The following REPS1 variants were observed in gnomAD, a reference collection of about 807,000 sequenced individuals.
REPS1 encodes the protein ralBP1-associated Eps domain-containing protein 1.
A neutral mutation model predicts 100.9 loss-of-function variants in REPS1; 39 were observed. The ratio of observed to expected loss-of-function variants is 0.39; its 90% CI spans 0.30 to 0.50. The LOEUF (loss-of-function observed/expected upper bound fraction) is 0.50. REPS1 is among the 20% of genes least tolerant of loss of function. REPS1 has a pLI of 0.86. For synonymous variants in REPS1, 324 were observed against 340.3 expected, an observed-to-expected ratio of 0.95 and a Z score of 0.53; for missense variants, 821 against 968.5, an observed-to-expected ratio of 0.85 and a Z score of 2.02.
At position 138,920,303 on chromosome 6, in the gene REPS1, G is replaced by T; in HGVS notation, c.1440C>A (p.Pro480=). The T allele has an allele frequency of 6.4e-7, 1 of 1,571,292 alleles. No homozygotes were observed. The change falls in exon 12 of 20, where the codon CCC becomes CCA. Residue 480 remains proline (P), a synonymous_variant. Transcript: ENST00000450536. ...LKRTGSDHTN[P]TSPLLVKPSD... is the part of the protein sequence containing the mutation. ...ATGGTTTCACAAGTAATGGGCTAGT[G>T]GGATTTGTATGATCTAATAGAGAAT...
At chr6:138,984,430 G>A (rs545912794) in intron 1 of REPS1, among the ~76,000 whole-genome samples, 1 of 152,196 alleles carries the variant, frequency 6.6e-6, no homozygotes, top group East Asian at 1.9e-4. Flanking sequence ...CCAGGTTAGG[G>A]TTTCTCAGTC....
intron 18 of REPS1, among the ~76,000 whole-genome samples, chr6:138,908,389 G>A (rs1779796226): frequency 6.6e-6 from 1 of 152,128 alleles, no homozygotes; most frequent in Non-Finnish European, 1.5e-5. Context: ...CCGCCTCCTG[G>A]GTTCAAGCAA....
chr6:138,945,562 TG>T lies in REPS1; in HGVS notation c.412del (p.Gln138LysfsTer2). On this transcript the variant is annotated frameshift_variant, in exon 3 of 20. Transcript: ENST00000450536. LOFTEE classifies it high-confidence loss of function. ...ATGGCTTACGGATCCCTTTTTCACT[TG>T]CCCCCTGCCAGGTGGTGGGGGAATT... is the stretch of plus-strand genomic sequence containing the variant. ...GVIPPPPGRG[Q>X]VKKGSVSHDT... 6.2e-7 allele frequency: 1 copy of T among 1,613,140 alleles called. No homozygotes were observed.
At chr6:138,918,963 T>C (rs1780581127) in intron 12 of REPS1, among the ~76,000 whole-genome samples, 1 of 152,212 alleles carries the variant, frequency 6.6e-6, no homozygotes, top group African/African-American at 2.4e-5. Flanking sequence ...TTTCAAAATG[T>C]ATCTCTTTCC....
intron 10 of REPS1, among the ~76,000 whole-genome samples, chr6:138,925,207 A>ACG (rs1224755250): frequency 1.3e-5 from 2 of 151,604 alleles, no homozygotes; most frequent in African/African-American, 4.9e-5. Context: ...ACACACACAC[A>ACG]CACACACAAA....
chr6:138,963,990 C>T (rs752257598), intron 1 of REPS1, among the ~76,000 whole-genome samples: 2 of 152,152 alleles, frequency 1.3e-5, no homozygotes, highest in African/African-American at 2.4e-5. Flanking sequence ...AAGTGAAATG[C>T]AATCATTTCA....
At chr6:138,955,047 GT>G (rs1428595234) in intron 1 of REPS1, among the ~76,000 whole-genome samples, 1 of 152,094 alleles carries the variant, frequency 6.6e-6, no homozygotes, top group African/African-American at 2.4e-5. Context: ...GGATATTTAG[GT>G]TTTCCCAGTG....
chr6:138,948,409 T>A (rs1315087114), intron 1 of REPS1, among the ~76,000 whole-genome samples: 1 of 152,200 alleles, frequency 6.6e-6, no homozygotes, highest in Admixed American at 6.5e-5. Flanking sequence ...TCTATCACAA[T>A]TTTTTCAGAT....
rs768460472 is a variant in REPS1 at position 138,920,321 on chromosome 6, T to C, written c.1427-5A>G. On this transcript the variant is annotated splice_polypyrimidine_tract_variant and splice_region_variant and intron_variant, in intron 11 of 19. Coordinates refer to ENST00000450536, the MANE Select transcript of REPS1 (RefSeq NM_001286611.2). ...GGCTAGTGGGATTTGTATGATCTAA[T>C]AGAGAATTAATAGGTAAAAATACAA... The C allele has an allele frequency of 3.4e-6, 5 of 1,470,038 alleles. No individual in the cohort carries two copies. Among genetic ancestry groups the C allele is most frequent in the African/African-American group, 1.4e-5 (1 of 71,844 alleles). 91.1% of individuals were successfully genotyped at this position (1,470,038 alleles called of 1,614,324 possible). A position where few individuals can be genotyped will look rare whatever the true frequency, so the allele number is the denominator to read the frequency against.
chr6:138,952,927 TC>T (rs1783132536), intron 1 of REPS1, among the ~76,000 whole-genome samples: 1 of 151,074 alleles, frequency 6.6e-6, no homozygotes, highest in African/African-American at 2.4e-5. Context: ...AACCTCCACC[TC>T]CTGCGTTCAA....
Position 138,942,211 on chromosome 6 carries a change from C to CTGT in REPS1, c.981-723_981-722insACA, listed in dbSNP as rs771801928. Among the ~76,000 whole-genome samples, 9 of 152,264 alleles carry CTGT rather than the reference C, an allele frequency of 5.9e-5. No homozygotes were observed. The South Asian group carries it at 1.7e-3, about 28-fold the overall frequency. ...TTAAAACAGAAATACAGCCACTCCA[C>CTGT]CTTGCTGTCTATGCCCTTTCCTAGA... On this transcript the variant is annotated intron_variant, in intron 7 of 19. Coordinates refer to ENST00000450536, the MANE Select transcript of REPS1 (RefSeq NM_001286611.2).
At chr6:138,947,342 C>G (rs1782704346) in intron 2 of REPS1, among the ~76,000 whole-genome samples, 1 of 152,086 alleles carries the variant, frequency 6.6e-6, no homozygotes, top group Non-Finnish European at 1.5e-5. Flanking sequence ...ACTGTTACTT[C>G]TTAATTTCAA....
At chr6:138,953,323 A>G (rs536503124) in intron 1 of REPS1, among the ~76,000 whole-genome samples, 1 of 152,306 alleles carries the variant, frequency 6.6e-6, no homozygotes, top group African/African-American at 2.4e-5. Flanking sequence ...CATAGGCAAC[A>G]AAAGCAAAAA....
At chr6:138,906,548 T>C (rs1779664607) in intron 19 of REPS1, among the ~76,000 whole-genome samples, 1 of 152,234 alleles carries the variant, frequency 6.6e-6, no homozygotes. Context: ...ATGAGTTCAC[T>C]GTAGTAGGAC....
intron 9 of REPS1, chr6:138,927,549 T>C (rs1376929609): frequency 1.3e-5 from 2 of 152,168 alleles, no homozygotes; most frequent in African/African-American, 2.4e-5. Flanking sequence ...AAATCCTCTT[T>C]GGGAAAGTAT....
chr6:138,921,936 C>A (rs1192482735), intron 10 of REPS1, among the ~76,000 whole-genome samples: 3 of 150,508 alleles, frequency 2.0e-5, no homozygotes, highest in Admixed American at 1.3e-4. Context: ...CATGCCACAT[C>A]ATTTCAGCTT....
Position 138,915,929 on chromosome 6 carries a change from G to C in REPS1, c.1649C>G (p.Pro550Arg). 1.9e-6 allele frequency: 3 copies of C among 1,614,026 alleles called. No individual in the cohort carries two copies. The highest frequency in any genetic ancestry group is 2.5e-6 in the Non-Finnish European group (3 of 1,179,922). ...SPDNTAPPPP[P>R]PRPQPSHSRS... ...AGAATGAGAGGGCTGTGGCCTTGGA[G>C]GGGGAGGTGGTGGTGCAGTGTTATC... The change falls in exon 14 of 20, where the codon CCT (proline) becomes CGT (arginine). Residue 550 changes from proline to arginine, a missense_variant. This residue lies in a region of REPS1 where 757 missense variants were observed against 866.4 expected (regional missense o/e 0.87). Coordinates refer to ENST00000450536, the MANE Select transcript of REPS1 (RefSeq NM_001286611.2).
intron 2 of REPS1, among the ~76,000 whole-genome samples, chr6:138,946,773 C>G (rs565280825): frequency 6.6e-6 from 1 of 152,092 alleles, no homozygotes; most frequent in South Asian, 2.1e-4. Flanking sequence ...ATGAAAGAAC[C>G]CTCTGCATTT....
chr6:138,920,192 G>A (rs1308209791), intron 12 of REPS1, 23 bp downstream of exon 12: 6 of 1,208,310 alleles, frequency 5.0e-6, no homozygotes, highest in East Asian at 2.3e-5. Context: ...AACTTCAAAT[G>A]GAAGATGTAA....
Sources: gnomAD v4.1 joint callset for allele counts (sites outside exome capture counted in the v4.1 genomes callset) on GRCh38, gnomAD v4.1.1 for gene constraint, gnomAD v4.1.1 regional missense constraint, MANE v1.5 for transcripts, NCBI Gene and HGNC (gene_info 2026-07-23, HGNC 2026-07-21) for gene names.